Variants in ZZEF1 observed in about 807,000 individuals in gnomAD.
ZZEF1 encodes zinc finger ZZ-type and EF-hand domain-containing protein 1.
Under a neutral mutation model 342.8 loss-of-function variants are expected in ZZEF1, and 157 were observed. That is an observed-to-expected ratio of 0.46 (90% confidence interval 0.40 to 0.52). ZZEF1 has a LOEUF of 0.52. ZZEF1 is among the 20% of genes least tolerant of loss of function. The pLI, the probability that ZZEF1 is intolerant of heterozygous loss-of-function variation, is 0.00. For synonymous variants in ZZEF1, 1,505 were observed against 1,429.1 expected (o/e 1.05, Z -1.20); for missense variants, 3,480 against 3,725.6 (o/e 0.93, Z 1.72).
intron 39 of ZZEF1, among the ~76,000 whole-genome samples, chr17:4,040,205 A>G (rs1454270749): frequency 6.6e-6 from 1 of 152,214 alleles, no homozygotes; most frequent in East Asian, 1.9e-4. Context: ...TCCCATCTTT[A>G]CCTGTAGCCT....
chr17:4,055,736 T>C (rs2057143546), intron 33 of ZZEF1, among the ~76,000 whole-genome samples: 1 of 152,244 alleles, frequency 6.6e-6, no homozygotes, highest in Admixed American at 6.5e-5. Context: ...GGAGCCACTC[T>C]GAGTGTAGTC....
At position 4,142,525 on chromosome 17, in the gene ZZEF1, C is replaced by T. The variant is rs775551213; in HGVS notation, c.354+17G>A. 4 of 1,587,772 alleles carry T rather than the reference C, an allele frequency of 2.5e-6. No homozygotes were observed. The highest frequency in any genetic ancestry group is 1.4e-5 in the African/African-American group (1 of 73,846). On this transcript the variant is annotated intron_variant, in intron 1 of 54. Coordinates refer to ENST00000381638, the MANE Select transcript of ZZEF1 (RefSeq NM_015113.4). ...GACCGCCCTGCCCCATCCCCGCAGT[C>T]GCCTGCCGGCCCTGACCTCCTCGAA...
At chr17:4,051,171 C>G (rs931189933) in intron 35 of ZZEF1, 128 bp from the exon 36 acceptor site, 4 of 1,231,442 alleles carry the variant, frequency 3.2e-6, no homozygotes, top group African/African-American at 3.0e-5. Context: ...GATGCGCTTA[C>G]TGAAAATGTA....
chr17:4,021,372 T>C (rs778721640), intron 44 of ZZEF1, 52 bp from the exon 45 acceptor site: 4 of 1,475,332 alleles, frequency 2.7e-6, no homozygotes, highest in East Asian at 2.3e-5. Context: ...GGCGGGAAGA[T>C]GGTACAGTCC....
intron 16 of ZZEF1, 24 bp downstream of exon 16, chr17:4,085,646 A>G (rs1186834852): frequency 6.2e-7 from 1 of 1,612,986 alleles, no homozygotes; most frequent in Non-Finnish European, 8.5e-7. Flanking sequence ...CAGACATTGA[A>G]TCCAGACTTT....
chr17:4,006,531 G>C lies in ZZEF1; in HGVS notation c.*359C>G. ...CTGAAGGCAAGTGCAGGCAGTTCCA[G>C]CTCCACGGAGACAGAAACCAGTTGA... On this transcript the variant is annotated 3_prime_UTR_variant, in exon 55 of 55. Coordinates refer to ENST00000381638, the MANE Select transcript of ZZEF1 (RefSeq NM_015113.4). 3.3e-6 allele frequency: 1 copy of C among 306,246 alleles called. No homozygotes were observed. Among genetic ancestry groups the C allele is most frequent in the Non-Finnish European group, 6.3e-6 (1 of 159,286 alleles). 19.0% of individuals were successfully genotyped at this position (306,246 alleles called of 1,614,324 possible).
intron 6 of ZZEF1, among the ~76,000 whole-genome samples, chr17:4,108,042 T>C (rs1437563616): frequency 6.6e-6 from 1 of 152,168 alleles, no homozygotes; most frequent in Non-Finnish European, 1.5e-5. Flanking sequence ...TATAATCTAG[T>C]GCATAAAAGA....
rs1172020346 is a variant in ZZEF1, at chr17:4,090,585, CCA to C, written c.2025+132_2025+133del. ...ACACTGTCTTACACATCTGTCTCTC[CCA>C]CAGAGTATGAACTCCCTGAAGGTAG... On this transcript the variant is annotated intron_variant, in intron 12 of 54. Coordinates refer to ENST00000381638, the MANE Select transcript of ZZEF1 (RefSeq NM_015113.4). 13 of 684,546 alleles carry C rather than the reference CCA, an allele frequency of 1.9e-5. 1 individual carries two copies. The Admixed American group carries it at 2.9e-4, about 15-fold the overall frequency. 42.4% of individuals were successfully genotyped at this position (684,546 alleles called of 1,614,324 possible). A position where few individuals can be genotyped will look rare whatever the true frequency, so the allele number is the denominator to read the frequency against.
chr17:4,086,998 C>T (rs1005058400), intron 14 of ZZEF1, among the ~76,000 whole-genome samples: 4 of 152,182 alleles, frequency 2.6e-5, no homozygotes, highest in African/African-American at 9.7e-5. Context: ...TCTTCCGCCT[C>T]AGCCTCCCAA....
intron 2 of ZZEF1, 103 bp from the exon 3 acceptor site, chr17:4,117,269 T>C (rs1221472949): frequency 2.4e-6 from 2 of 820,900 alleles, no homozygotes; most frequent in Non-Finnish European, 3.8e-6. Flanking sequence ...AAAGCAGTCA[T>C]TAACAATCTT....
intron 1 of ZZEF1, among the ~76,000 whole-genome samples, chr17:4,139,149 C>T (rs551198485): frequency 7.2e-6 from 1 of 138,036 alleles, no homozygotes; most frequent in East Asian, 2.0e-4. Flanking sequence ...CCCTGGACCA[C>T]ACCTACCATG....
At chr17:4,132,958 T>C (rs936358183) in intron 1 of ZZEF1, among the ~76,000 whole-genome samples, 2 of 148,962 alleles carry the variant, frequency 1.3e-5, no homozygotes, top group Admixed American at 1.3e-4. Flanking sequence ...AGAGCGAGAC[T>C]CCATCTCAAA....
At chr17:4,136,548 C>T (rs563080753) in intron 1 of ZZEF1, among the ~76,000 whole-genome samples, 6 of 152,216 alleles carry the variant, frequency 3.9e-5, no homozygotes, top group African/African-American at 1.4e-4. Flanking sequence ...AACTTGCTCA[C>T]AAGCAGGCTG....
chr17:4,142,768 G>A lies in ZZEF1; in HGVS notation c.128C>T (p.Ala43Val). The A allele has an allele frequency of 6.9e-7, 1 of 1,441,572 alleles. No homozygotes were observed. Among genetic ancestry groups the A allele is most frequent in the Non-Finnish European group, 9.0e-7 (1 of 1,107,514 alleles). The allele number at this position is 1,441,572 out of a possible 1,614,324, so 89.3% of individuals were successfully genotyped here. A position where few individuals can be genotyped will look rare whatever the true frequency, so the allele number is the denominator to read the frequency against. The change falls in exon 1 of 55, where the codon GCG becomes GTG. Residue 43 changes from alanine to valine, a missense_variant. By Grantham distance (64) the Ala-to-Val change is moderately conservative (BLOSUM62 0). This residue lies in a region of ZZEF1 where 416 missense variants were observed against 374.2 expected (regional missense o/e 1.11). Transcript: ENST00000381638. ...CAGCAGCGCCGCGGCGGGTGGTAGCGCTGGAGCCGCGACGCCCGGGCCGGG... is the reference window on the plus strand; with the variant it reads ...CAGCAGCGCCGCGGCGGGTGGTAGCACTGGAGCCGCGACGCCCGGGCCGGG... ...TTPGPGVAAP[A>V]LPPAAALLEP...
chr17:4,034,699 T>G (rs2056622937), intron 39 of ZZEF1, among the ~76,000 whole-genome samples: 1 of 152,152 alleles, frequency 6.6e-6, no homozygotes, highest in Admixed American at 6.5e-5. Flanking sequence ...TATTTACACA[T>G]GATATATGTA....
chr17:4,137,994 G>GC (rs969285089), intron 1 of ZZEF1, among the ~76,000 whole-genome samples: 36 of 99,498 alleles, frequency 3.6e-4, no homozygotes, highest in African/African-American at 1.2e-3. Context: ...TGCGGGGGTA[G>GC]GGGGAAGATA....
In ZZEF1 at chr17:4,075,265, T is replaced by C; in HGVS notation, c.3399A>G (p.Lys1133=). The change falls in exon 22 of 55, where the codon AAA becomes AAG. Residue 1133 remains lysine (K), a splice_region_variant and synonymous_variant. Transcript: ENST00000381638. ...VEFDDRCETE[K]RYDYLEFTDA... ...GTGAAAGAATATAGAAGTCTTACCT[T>C]TTTTCAGTTTCACACCTGTCATCGA... The C allele has an allele frequency of 3.7e-6, 6 of 1,614,118 alleles. No individual in the cohort carries two copies. The highest frequency in any genetic ancestry group is 5.1e-6 in the Non-Finnish European group (6 of 1,179,964).
rs1474516417 is a variant in ZZEF1 at position 4,088,685 on chromosome 17, T to C, written c.2234A>G (p.His745Arg). The C allele has an allele frequency of 3.1e-6, 5 of 1,613,748 alleles. No individual in the cohort carries two copies. Among genetic ancestry groups the C allele is most frequent in the African/African-American group, 1.3e-5 (1 of 75,058 alleles). ...RTLQFIQQLA[H>R]DLVQQKESGL... ...CAACTGAGGAAGCCCTACCAGGTCA[T>C]GGGCGAGCTGCTGGATAAACTGAAG... Residue 745 changes from histidine (H) to arginine (R), a missense_variant, in exon 13 of 55, where the codon CAT becomes CGT. By Grantham distance (29) the His-to-Arg change is conservative (BLOSUM62 0). Coordinates refer to ENST00000381638, the MANE Select transcript of ZZEF1 (RefSeq NM_015113.4).
intron 42 of ZZEF1, among the ~76,000 whole-genome samples, chr17:4,027,587 G>A (rs1392895255): frequency 7.2e-6 from 1 of 139,150 alleles, no homozygotes; most frequent in East Asian, 2.0e-4. Flanking sequence ...GAGCCACTGT[G>A]CCCTGCCTTT....
Sources: allele counts gnomAD v4.1 joint callset (sites outside exome capture counted in the v4.1 genomes callset), GRCh38; gene constraint gnomAD v4.1.1; regional missense constraint gnomAD v4.1.1; transcripts MANE v1.5; gene names NCBI Gene and HGNC (gene_info 2026-07-23, HGNC 2026-07-21).